CD72: variants seen among roughly 807,000 people sequenced by gnomAD.
CD72 encodes the protein B-cell differentiation antigen CD72.
A neutral mutation model predicts 50.7 loss-of-function variants in CD72; 28 were observed. That is an observed-to-expected ratio of 0.55 (90% CI 0.41 to 0.76). The LOEUF (loss-of-function observed/expected upper bound fraction) is 0.76. Ranked by LOEUF, CD72 falls within the 30% of genes least tolerant of loss-of-function variation. The pLI, the probability that CD72 is intolerant of heterozygous loss-of-function variation, is 0.00. For synonymous variants in CD72, 176 were observed against 171.2 expected, an observed-to-expected ratio of 1.03 and a Z score of -0.22; for missense variants, 403 against 420.6, an observed-to-expected ratio of 0.96 and a Z score of 0.37.
Position 35,616,584 on chromosome 9 carries a change from G to A in CD72, c.352+16C>T, listed in dbSNP as rs770981540. 6.3e-7 allele frequency: 1 copy of A among 1,599,622 alleles called. No individual in the cohort carries two copies. Among genetic ancestry groups the A allele is most frequent in the Non-Finnish European group, 8.6e-7 (1 of 1,166,896 alleles). On this transcript the variant is annotated intron_variant, in intron 4 of 8. Transcript: ENST00000259633. ...GTCGTTCGGTGTAAGTGGGAAGTAG[G>A]GACAGCCTTACTCACAGCGCACTCC...
At chr9:35,616,324 C>G in intron 4 of CD72, 46 bp from the exon 5 acceptor site, 1 of 1,474,846 alleles carries the variant, frequency 6.8e-7, no homozygotes, top group African/African-American at 1.4e-5. Flanking sequence ...CAGCCCTGCC[C>G]TAGTGCCCTG....
At chr9:35,638,064 A>T (rs1046262331) in intron 1 of CD72, among the ~76,000 whole-genome samples, 6 of 152,102 alleles carry the variant, frequency 3.9e-5, no homozygotes, top group Non-Finnish European at 7.3e-5. Context: ...GTGGCCAGAG[A>T]ACGGCACTGT....
rs143056543 is a variant in CD72 at position 35,630,350 on chromosome 9, TTCTC to T, written n.409-12233_409-12230del. On this transcript the variant is annotated intron_variant and non_coding_transcript_variant, in intron 1 of 3. Transcript: ENST00000465754. Reference sequence around the variant, plus strand: ...ACCGCACCCGGCTGCTAAAGTGAATTTCTCTATTTTTTCTCACTATTTTCCCTAT... The same window carrying T: ...ACCGCACCCGGCTGCTAAAGTGAATTTATTTTTTCTCACTATTTTCCCTAT... Among the ~76,000 whole-genome samples the T allele has an allele frequency of 8.2e-4, 125 of 152,316 alleles. 5 individuals are homozygous for T. The East Asian group carries it at 0.024, about 29-fold the overall frequency.
chr9:35,629,972 C>G (rs1823228505), intron 1 of CD72, among the ~76,000 whole-genome samples: 1 of 150,502 alleles, frequency 6.6e-6, no homozygotes, highest in African/African-American at 2.4e-5. Flanking sequence ...AATTTTTCCC[C>G]TTTGCTTTAT....
In CD72 at chr9:35,618,339, G is replaced by A. The variant is rs780463000; in HGVS notation, c.-36C>T. 3 of 1,613,512 alleles carry A rather than the reference G, an allele frequency of 1.9e-6. No homozygotes were observed. Among genetic ancestry groups the A allele is most frequent in the Non-Finnish European group, 2.5e-6 (3 of 1,179,708 alleles). On this transcript the variant is annotated 5_prime_UTR_variant, in exon 1 of 9. Transcript: ENST00000259633. ...AGCTCTGCCCCCACTCGTCTTCCCTGTCATCCACTGTCCTCCCTTGCCCCT... is the reference window on the plus strand; with the variant it reads ...AGCTCTGCCCCCACTCGTCTTCCCTATCATCCACTGTCCTCCCTTGCCCCT...
At chr9:35,619,275 T>C (rs1470747079), upstream of CD72, among the ~76,000 whole-genome samples, 1 of 151,982 alleles carries the variant, frequency 6.6e-6, no homozygotes, top group African/African-American at 2.4e-5. Context: ...AGGGAACCAG[T>C]TGGGGGAAAG....
chr9:35,634,859 A>G (rs745533466), intron 1 of CD72, among the ~76,000 whole-genome samples: 1 of 152,184 alleles, frequency 6.6e-6, no homozygotes, highest in Non-Finnish European at 1.5e-5. Flanking sequence ...TTTAGCATAT[A>G]TGTTACACCT....
At chr9:35,641,872 A>C (rs1310776133) in intron 1 of CD72, among the ~76,000 whole-genome samples, 3 of 152,116 alleles carry the variant, frequency 2.0e-5, no homozygotes, top group Non-Finnish European at 4.4e-5. Context: ...CAGATGTTTG[A>C]TAGGTGTTTC....
intron 1 of CD72, among the ~76,000 whole-genome samples, chr9:35,625,827 T>C (rs183021626): frequency 1.3e-5 from 2 of 152,324 alleles, no homozygotes; most frequent in East Asian, 3.9e-4. Flanking sequence ...GAACAAAGCC[T>C]GGATGACAGC....
chr9:35,616,012 T>C lies in CD72; in HGVS notation c.619A>G (p.Arg207Gly). Residue 207 changes from arginine (R) to glycine (G), a missense_variant, in exon 5 of 9, where the codon AGG becomes GGG. Transcript: ENST00000259633. ...ETLQSEEQQR[R>G]ALEQKLSNME... The stretch of plus-strand genomic sequence containing the variant: ...TTGCTCAGCTTCTGCTCCAAGGCCC[T>C]CCTCTGTTGCTCCTCACTTTGCAAG... 1 of 1,614,070 alleles carries C rather than the reference T, an allele frequency of 6.2e-7. No individual in the cohort carries two copies. Among genetic ancestry groups the C allele is most frequent in the Non-Finnish European group, 8.5e-7 (1 of 1,180,024 alleles).
intron 4 of CD72, 38 bp from the exon 5 acceptor site, chr9:35,616,316 G>A: frequency 6.6e-7 from 1 of 1,521,322 alleles, no homozygotes; most frequent in Non-Finnish European, 9.0e-7. Flanking sequence ...GTCTTCTCCA[G>A]CCCTGCCCTA....
At chr9:35,645,068 G>C (rs1483321518) in intron 1 of CD72, among the ~76,000 whole-genome samples, 1 of 148,170 alleles carries the variant, frequency 6.7e-6, no homozygotes, top group Non-Finnish European at 1.5e-5. Context: ...GGGTGGTGGA[G>C]CATGCCTGTA....
At chr9:35,616,893 G>T (rs1823072408) in intron 3 of CD72, 4 of 1,176,306 alleles carry the variant, frequency 3.4e-6, no homozygotes, top group African/African-American at 1.5e-5. Context: ...ATCAGTGCTG[G>T]TGGGGACTCG....
At chr9:35,633,066 G>A (rs924325092) in intron 1 of CD72, among the ~76,000 whole-genome samples, 1 of 151,044 alleles carries the variant, frequency 6.6e-6, no homozygotes, top group Admixed American at 6.6e-5. Flanking sequence ...AAGTAGCTGG[G>A]ACTACAGGCG....
At chr9:35,624,431 T>C (rs570182953), upstream of CD72, among the ~76,000 whole-genome samples, 1 of 151,880 alleles carries the variant, frequency 6.6e-6, no homozygotes, top group Non-Finnish European at 1.5e-5. Flanking sequence ...CAGTGGGAGT[T>C]AAAGATGAAA....
intron 1 of CD72, among the ~76,000 whole-genome samples, chr9:35,640,856 C>T (rs376953507): frequency 1.2e-4 from 18 of 152,252 alleles, no homozygotes; most frequent in South Asian, 2.1e-4. Context: ...GTTTATATCC[C>T]GATCCTTGTC....
chr9:35,618,200 G>C (rs1486385121), intron 1 of CD72, 22 bp downstream of exon 1: 1 of 1,610,680 alleles, frequency 6.2e-7, no homozygotes, highest in African/African-American at 1.3e-5. Context: ...GCAGGATCAA[G>C]GGGAGGCCTC....
chr9:35,615,964 A>G lies in CD72; in HGVS notation c.667T>C (p.Phe223Leu), dbSNP rs1426888906. The stretch of plus-strand genomic sequence containing the variant: ...ATACCTGCTGAGCCGCATGTGAAGA[A>G]GGGCTTCAGTCTGTTCTCCATGTTG... ...LSNMENRLKP[F>L]FTCGSADTCC... The change falls in exon 5 of 9, where the codon TTC becomes CTC. Residue 223 changes from phenylalanine to leucine, a missense_variant. Physicochemically the swap from Phe to Leu is conservative, Grantham distance 22. Transcript: ENST00000259633. 3 of 1,613,430 alleles carry G rather than the reference A, an allele frequency of 1.9e-6. No individual in the cohort carries two copies. The highest frequency in any genetic ancestry group is 2.5e-6 in the Non-Finnish European group (3 of 1,179,856).
intron 1 of CD72, among the ~76,000 whole-genome samples, chr9:35,628,412 G>C (rs1823215680): frequency 6.6e-6 from 1 of 152,228 alleles, no homozygotes. Flanking sequence ...CTAACATGGT[G>C]AAACCCCATC....
Sources: gnomAD v4.1 joint callset for allele counts (sites outside exome capture counted in the v4.1 genomes callset) on GRCh38, gnomAD v4.1.1 for gene constraint, MANE v1.5 for transcripts, NCBI Gene and HGNC (gene_info 2026-07-23, HGNC 2026-07-21) for gene names.